Variants in CAPS2 observed in about 807,000 individuals in gnomAD.
CAPS2 encodes the protein calcyphosin-2.
A neutral mutation model predicts 86.5 loss-of-function variants in CAPS2; 98 were observed. That is an observed-to-expected ratio of 1.13 (90% confidence interval 0.96 to 1.34). The LOEUF is 1.34. Among genes scored for constraint, CAPS2 ranks in the 40% most tolerant of loss-of-function variants. The pLI is 0.00. For missense variants in CAPS2, 729 were observed against 686.8 expected (o/e 1.06, Z -0.69); for synonymous variants, 210 against 225.1 (o/e 0.93, Z 0.60).
At chr12:75,355,074 A>G (rs1293258695) in intron 1 of CAPS2, among the ~76,000 whole-genome samples, 3 of 152,158 alleles carry the variant, frequency 2.0e-5, no homozygotes, top group Non-Finnish European at 4.4e-5. Flanking sequence ...GCATGGGCAA[A>G]CGTTTCAAGA....
intron 11 of CAPS2, among the ~76,000 whole-genome samples, chr12:75,294,750 C>G (rs1376170256): frequency 6.6e-6 from 1 of 151,982 alleles, no homozygotes; most frequent in East Asian, 1.9e-4. Context: ...ACACCAAAAA[C>G]ATGTATGTGT....
intron 7 of CAPS2, 69 bp downstream of exon 7, chr12:75,312,779 G>T: frequency 2.2e-6 from 2 of 922,450 alleles, no homozygotes; most frequent in Non-Finnish European, 3.5e-6. Flanking sequence ...GGATATGAAT[G>T]TCATGCATGA....
At chr12:75,310,565 T>C (rs182963784) in intron 7 of CAPS2, among the ~76,000 whole-genome samples, 31 of 152,170 alleles carry the variant, frequency 2.0e-4, no homozygotes, top group African/African-American at 7.5e-4. Flanking sequence ...TGGGCTTGGA[T>C]AGACTGTGTT....
At chr12:75,303,046 C>A (rs1565844364) in intron 8 of CAPS2, among the ~76,000 whole-genome samples, 2 of 152,138 alleles carry the variant, frequency 1.3e-5, no homozygotes, top group African/African-American at 2.4e-5. Flanking sequence ...GAAATGAGTA[C>A]ATATGTTTAC....
chr12:75,367,247 T>C (rs2044031929), intron 1 of CAPS2, among the ~76,000 whole-genome samples: 2 of 112,928 alleles, frequency 1.8e-5, no homozygotes, highest in South Asian at 3.1e-4. Flanking sequence ...ATTAGGATCC[T>C]AAACAACAAC....
intron 8 of CAPS2, among the ~76,000 whole-genome samples, chr12:75,304,240 A>T (rs186064292): frequency 8.9e-4 from 135 of 152,314 alleles, no homozygotes; most frequent in Non-Finnish European, 1.7e-3. Flanking sequence ...AAAATATAAA[A>T]AAGCTACTGT....
intron 1 of CAPS2, among the ~76,000 whole-genome samples, chr12:75,366,639 G>C (rs1029739443): frequency 2.7e-4 from 40 of 147,038 alleles, no homozygotes; most frequent in African/African-American, 9.8e-4. Flanking sequence ...TCAGATTGTT[G>C]CCTACTTTTT....
At chr12:75,322,454 T>C (rs1055972240) in intron 4 of CAPS2, among the ~76,000 whole-genome samples, 1 of 152,200 alleles carries the variant, frequency 6.6e-6, no homozygotes, top group African/African-American at 2.4e-5. Context: ...GTATTATTTA[T>C]GCAATTTTCC....
chr12:75,341,453 C>A (rs1429243630), intron 1 of CAPS2, among the ~76,000 whole-genome samples: 1 of 151,624 alleles, frequency 6.6e-6, no homozygotes, highest in African/African-American at 2.4e-5. Context: ...TTTTCTTTTT[C>A]TTTTTTTCTT....
exon 17 of CAPS2, chr12:75,279,043 G>T: frequency 4.4e-6 from 7 of 1,598,678 alleles, no homozygotes; most frequent in South Asian, 1.1e-5. Context: ...AGGATGATTT[G>T]ATTTCTTCCT....
intron 1 of CAPS2, among the ~76,000 whole-genome samples, chr12:75,368,690 G>A (rs1391960677): frequency 6.6e-6 from 1 of 151,832 alleles, no homozygotes; most frequent in Non-Finnish European, 1.5e-5. Context: ...CTTCAAGTTT[G>A]TATTAGACTC....
intron 1 of CAPS2, among the ~76,000 whole-genome samples, chr12:75,339,254 T>G (rs531361452): frequency 2.0e-5 from 3 of 152,162 alleles, no homozygotes; most frequent in Non-Finnish European, 2.9e-5. Context: ...CCCGCAACAC[T>G]GCCAGCACCT....
intron 1 of CAPS2, chr12:75,347,805 C>A: frequency 1.4e-6 from 1 of 732,388 alleles, no homozygotes; most frequent in Non-Finnish European, 2.2e-6. Flanking sequence ...ATACTAGACA[C>A]AAGTGTATTT....
intron 1 of CAPS2, among the ~76,000 whole-genome samples, chr12:75,389,634 T>G (rs2045470767): frequency 6.6e-6 from 1 of 152,232 alleles, no homozygotes; most frequent in Non-Finnish European, 1.5e-5. Context: ...CTAGCCATAC[T>G]AAAATACTTC....
intron 1 of CAPS2, among the ~76,000 whole-genome samples, chr12:75,354,094 G>A (rs2042986050): frequency 7.0e-6 from 1 of 142,896 alleles, no homozygotes; most frequent in East Asian, 2.2e-4. Context: ...AGACAAAAAT[G>A]TCCTCTCTCA....
At chr12:75,285,040 T>C (rs1185388520) in exon 15 of CAPS2, 3 of 1,611,734 alleles carry the variant, frequency 1.9e-6, no homozygotes, top group East Asian at 2.2e-5. Flanking sequence ...AACCTTGCCA[T>C]TGCCATTGTC....
intron 1 of CAPS2, among the ~76,000 whole-genome samples, chr12:75,359,689 C>G (rs922682301): frequency 6.6e-6 from 1 of 151,860 alleles, no homozygotes; most frequent in African/African-American, 2.4e-5. Context: ...ACATTGTTGA[C>G]CACATTATTT....
At chr12:75,279,589 T>C (rs1263123826) in intron 16 of CAPS2, among the ~76,000 whole-genome samples, 1 of 151,986 alleles carries the variant, frequency 6.6e-6, no homozygotes, top group Non-Finnish European at 1.5e-5. Context: ...AGAGGTTCTC[T>C]AATGGACTTA....
chr12:75,288,588 T>C (rs2035303432), intron 14 of CAPS2, among the ~76,000 whole-genome samples: 1 of 152,234 alleles, frequency 6.6e-6, no homozygotes. Context: ...AGAGATCCTT[T>C]ATCTGAAATC....
Sources: gnomAD v4.1 joint callset for allele counts (sites outside exome capture counted in the v4.1 genomes callset) on GRCh38, gnomAD v4.1.1 for gene constraint, MANE v1.5 for transcripts, NCBI Gene and HGNC (gene_info 2026-07-23, HGNC 2026-07-21) for gene names.